The following STRBP variants were observed in gnomAD, a reference collection of about 807,000 sequenced individuals.
STRBP encodes spermatid perinuclear RNA-binding protein.
In STRBP, 13 loss-of-function variants were observed where a neutral mutation model predicts 80.1. The observed-to-expected ratio is 0.16, with a 90% CI of 0.11 to 0.26. The LOEUF (loss-of-function observed/expected upper bound fraction) is 0.26. Ranked by LOEUF, STRBP falls within the 10% of genes least tolerant of loss-of-function variation. The pLI, the probability that STRBP is intolerant of heterozygous loss-of-function variation, is 1.00. For synonymous variants in STRBP, 284 were observed against 291.2 expected (o/e 0.98, Z 0.25); for missense variants, 485 against 815.2 (o/e 0.59, Z 4.93).
intron 1 of STRBP, among the ~76,000 whole-genome samples, chr9:123,242,191 C>G (rs1564331529): frequency 1.3e-5 from 2 of 152,308 alleles, no homozygotes; most frequent in South Asian, 4.2e-4. Flanking sequence ...CAAGGTCAAC[C>G]TGTTTCGATT....
Position 123,149,664 on chromosome 9 carries a change from G to A in STRBP, c.1046-1794C>T, listed in dbSNP as rs561822509. Among the ~76,000 whole-genome samples, 3 of 152,340 alleles carry A rather than the reference G, an allele frequency of 2.0e-5. No homozygotes were observed. In the East Asian group the frequency reaches 5.8e-4, roughly 29 times the overall value. ...CAACCTTCACAATATCTAGTGATGA[G>A]AAGTGATCATTTCTGAGGCAACAAT... On this transcript the variant is annotated intron_variant, in intron 11 of 18. Transcript: ENST00000348403.
At chr9:123,220,560 A>G (rs1258851000) in intron 2 of STRBP, among the ~76,000 whole-genome samples, 1 of 152,250 alleles carries the variant, frequency 6.6e-6, no homozygotes, top group Admixed American at 6.5e-5. Flanking sequence ...ACAATAATGT[A>G]AACAACTAAA....
chr9:123,214,829 T>C (rs928284842), intron 2 of STRBP, among the ~76,000 whole-genome samples: 1 of 152,240 alleles, frequency 6.6e-6, no homozygotes, highest in Non-Finnish European at 1.5e-5. Context: ...CACGTGTTTA[T>C]ATGTGTGTGG....
chr9:123,236,373 T>C (rs919618059), intron 2 of STRBP, among the ~76,000 whole-genome samples: 3 of 152,182 alleles, frequency 2.0e-5, no homozygotes, highest in Non-Finnish European at 4.4e-5. Flanking sequence ...AGCAAGTCTA[T>C]AAAAGTATAA....
chr9:123,142,761 T>G (rs2036647109), intron 13 of STRBP, among the ~76,000 whole-genome samples: 1 of 152,182 alleles, frequency 6.6e-6, no homozygotes, highest in Non-Finnish European at 1.5e-5. Flanking sequence ...TTTTTACTGT[T>G]TTAACAACTG....
At position 123,160,378 on chromosome 9, in the gene STRBP, A is replaced by G. The variant is rs147719183; in HGVS notation, c.712T>C (p.Leu238=). 5.6e-6 allele frequency: 9 copies of G among 1,595,032 alleles called. No homozygotes were observed. The highest frequency in any genetic ancestry group is 6.9e-6 in the Non-Finnish European group (8 of 1,166,620). ...ATTTAAGTACTTACCCATCCTTTCA[A>G]TGGTGCCCATGTGGGGACTCTGTTG... ...LCNRVPTWAP[L]KGWPLELICE... Residue 238 remains leucine, a synonymous_variant, in exon 8 of 19, where the codon TTG becomes CTG. Transcript: ENST00000348403.
rs2040009603 is a variant in STRBP, at chr9:123,219,692, T to C, written c.-165+17138A>G. Among the ~76,000 whole-genome samples, 4 of 152,246 alleles carry C rather than the reference T, an allele frequency of 2.6e-5. No homozygotes were observed. In the South Asian group the frequency reaches 8.3e-4, roughly 32 times the overall value. On this transcript the variant is annotated intron_variant, in intron 2 of 18. Transcript: ENST00000348403. ...AGTGGGGAAAGTATAGGCTTTGATGTCTCACAGACTTGGATTTAAATCCAC... is the reference window on the plus strand; with the variant it reads ...AGTGGGGAAAGTATAGGCTTTGATGCCTCACAGACTTGGATTTAAATCCAC...
At chr9:123,248,252 C>A (rs1429648636) in intron 1 of STRBP, among the ~76,000 whole-genome samples, 2 of 150,994 alleles carry the variant, frequency 1.3e-5, no homozygotes, top group African/African-American at 2.4e-5. Context: ...CTTCTCCCAC[C>A]CCTATCGTGT....
At chr9:123,161,351 G>T (rs772205394) in intron 6 of STRBP, among the ~76,000 whole-genome samples, 6 of 152,118 alleles carry the variant, frequency 3.9e-5, no homozygotes, top group Non-Finnish European at 5.9e-5. Context: ...TAAAATCTGG[G>T]ATCTTATTAA....
intron 1 of STRBP, among the ~76,000 whole-genome samples, chr9:123,247,850 C>G (rs893241653): frequency 6.6e-6 from 1 of 152,088 alleles, no homozygotes; most frequent in African/African-American, 2.4e-5. Flanking sequence ...TATATCTTAA[C>G]ATACATGGAT....
At chr9:123,158,257 GTGTT>G in intron 10 of STRBP, 71 bp downstream of exon 10, 1 of 1,550,588 alleles carries the variant, frequency 6.4e-7, no homozygotes, top group South Asian at 1.1e-5. Flanking sequence ...CAAGAAAAAA[GTGTT>G]TGAACACAAT....
intron 1 of STRBP, among the ~76,000 whole-genome samples, chr9:123,256,342 C>A (rs895894850): frequency 6.6e-6 from 1 of 152,082 alleles, no homozygotes; most frequent in African/African-American, 2.4e-5. Flanking sequence ...ACCTTTATTG[C>A]TTTCCCCCCA....
chr9:123,138,644 AC>A (rs1445092674), intron 14 of STRBP, among the ~76,000 whole-genome samples: 1 of 152,140 alleles, frequency 6.6e-6, no homozygotes, highest in African/African-American at 2.4e-5. Flanking sequence ...TCAAGATTTG[AC>A]ATTATTATGT....
chr9:123,246,574 C>T (rs1367364699), intron 1 of STRBP, among the ~76,000 whole-genome samples: 1 of 152,056 alleles, frequency 6.6e-6, no homozygotes, highest in Non-Finnish European at 1.5e-5. Flanking sequence ...AGATTCTCAG[C>T]CCAGGAAAAT....
At chr9:123,178,941 T>A (rs2132450051) in intron 4 of STRBP, 66 bp downstream of exon 4, 1 of 1,486,630 alleles carries the variant, frequency 6.7e-7, no homozygotes, top group East Asian at 2.3e-5. Context: ...ACACACTCAA[T>A]CCAGCAGACC....
At chr9:123,188,948 A>G (rs2038810083) in intron 2 of STRBP, among the ~76,000 whole-genome samples, 1 of 151,818 alleles carries the variant, frequency 6.6e-6, no homozygotes, top group Admixed American at 6.6e-5. Flanking sequence ...CACATCTACA[A>G]TATTAAATAT....
intron 1 of STRBP, among the ~76,000 whole-genome samples, chr9:123,248,560 G>A (rs764554637): frequency 5.9e-5 from 9 of 151,888 alleles, no homozygotes; most frequent in South Asian, 2.1e-4. Flanking sequence ...ATGAGCCACC[G>A]CGCCCAGCCG....
intron 1 of STRBP, among the ~76,000 whole-genome samples, chr9:123,239,508 C>T (rs1167673902): frequency 6.6e-6 from 1 of 152,218 alleles, no homozygotes; most frequent in Non-Finnish European, 1.5e-5. Flanking sequence ...ACTCTGACCT[C>T]ATTTGTACCT....
At chr9:123,166,575 A>G (rs2037767642) in intron 6 of STRBP, among the ~76,000 whole-genome samples, 1 of 152,100 alleles carries the variant, frequency 6.6e-6, no homozygotes, top group Non-Finnish European at 1.5e-5. Flanking sequence ...GCAACATAGC[A>G]AAACCTCATC....
Sources: allele counts gnomAD v4.1 joint callset (sites outside exome capture counted in the v4.1 genomes callset), GRCh38; gene constraint gnomAD v4.1.1; transcripts MANE v1.5; gene names NCBI Gene and HGNC (gene_info 2026-07-23, HGNC 2026-07-21).